The following RGS7 variants were observed in gnomAD, a reference collection of about 807,000 sequenced individuals.
RGS7 encodes the protein regulator of G-protein signaling 7.
RGS7 carries 27 observed loss-of-function variants against 81.1 expected under a neutral mutation model. That is an observed-to-expected ratio of 0.33 (90% CI 0.25 to 0.46). The LOEUF (loss-of-function observed/expected upper bound fraction) is 0.46. RGS7 is among the 20% of genes least tolerant of loss of function. The pLI, the probability that RGS7 is intolerant of heterozygous loss-of-function variation, is 1.00. For synonymous variants in RGS7, 208 were observed against 207.7 expected (o/e 1.00, Z -0.01); for missense variants, 396 against 607.4 (o/e 0.65, Z 3.66).
In RGS7 at chr1:240,806,184, G is replaced by T. The variant is rs1688815701; in HGVS notation, c.1225C>A (p.Gln409Lys). 3 of 1,614,060 alleles carry T rather than the reference G, an allele frequency of 1.9e-6. No individual in the cohort carries two copies. The highest frequency in any genetic ancestry group is 2.5e-6 in the Non-Finnish European group (3 of 1,179,946). Residue 409 changes from glutamine to lysine, a missense_variant, in exon 15 of 19, where the codon CAG (glutamine) becomes AAG (lysine). Physicochemically the swap from Gln to Lys is moderately conservative, Grantham distance 53. Transcript: ENST00000440928. ...LDSKSYDKTTQNVKEPGRYTF... is the reference protein window; with the variant it reads ...LDSKSYDKTTKNVKEPGRYTF... ...TATCGTCCAGGTTCCTTCACGTTCT[G>T]TGTGGTTTTGTCATAACTCTTGGAA...
intron 2 of RGS7, among the ~76,000 whole-genome samples, chr1:241,308,546 T>C (rs1424972470): frequency 1.3e-5 from 2 of 152,216 alleles, no homozygotes; most frequent in Admixed American, 6.5e-5. Context: ...CAGAGAAGAC[T>C]GTGCCCAGCT....
At chr1:241,339,255 A>AC (rs2082403634) in intron 2 of RGS7, among the ~76,000 whole-genome samples, 1 of 152,216 alleles carries the variant, frequency 6.6e-6, no homozygotes, top group South Asian at 2.1e-4. Context: ...TCCATGGTGT[A>AC]TACACACCAC....
chr1:240,809,318 G>GA (rs989165094), intron 14 of RGS7, among the ~76,000 whole-genome samples: 6 of 151,840 alleles, frequency 4.0e-5, no homozygotes, highest in African/African-American at 7.3e-5. Context: ...CCTAATATTT[G>GA]AAAAAAAATG....
intron 2 of RGS7, among the ~76,000 whole-genome samples, chr1:241,120,339 A>G (rs1001122081): frequency 6.6e-6 from 1 of 152,004 alleles, no homozygotes; most frequent in African/African-American, 2.4e-5. Flanking sequence ...TTAATGTTGT[A>G]TTTGTAATTT....
chr1:241,085,003 C>T (rs368523877), intron 3 of RGS7, among the ~76,000 whole-genome samples: 4 of 152,336 alleles, frequency 2.6e-5, no homozygotes, highest in Admixed American at 2.0e-4. Context: ...TCGCCGCCAA[C>T]AGGCAGTCCT....
intron 3 of RGS7, among the ~76,000 whole-genome samples, chr1:241,060,788 C>A (rs758099910): frequency 3.5e-4 from 54 of 152,204 alleles, no homozygotes; most frequent in Non-Finnish European, 5.7e-4. Context: ...AAGACTACCT[C>A]AGCACAGATG....
At chr1:241,057,609 T>A (rs1016400557) in intron 3 of RGS7, among the ~76,000 whole-genome samples, 7 of 152,054 alleles carry the variant, frequency 4.6e-5, no homozygotes, top group Non-Finnish European at 8.8e-5. Context: ...CTGTTCCTAT[T>A]TATCTCTGAG....
chr1:240,957,546 G>A (rs753167182), intron 4 of RGS7, among the ~76,000 whole-genome samples: 11 of 152,160 alleles, frequency 7.2e-5, no homozygotes, highest in African/African-American at 1.9e-4. Flanking sequence ...GCTAATACAA[G>A]AGGCATGACA....
chr1:240,900,288 C>A (rs907906887), intron 6 of RGS7, among the ~76,000 whole-genome samples: 2 of 152,164 alleles, frequency 1.3e-5, no homozygotes, highest in African/African-American at 4.8e-5. Flanking sequence ...CCTTCTTCTC[C>A]CAACTCCTCA....
intron 2 of RGS7, among the ~76,000 whole-genome samples, chr1:241,256,316 A>G (rs2077049841): frequency 6.6e-6 from 1 of 152,218 alleles, no homozygotes; most frequent in South Asian, 2.1e-4. Context: ...GAAATTATTA[A>G]AAAGACTATG....
intron 3 of RGS7, among the ~76,000 whole-genome samples, chr1:241,074,410 A>G (rs1220782087): frequency 6.6e-6 from 1 of 152,210 alleles, no homozygotes; most frequent in Non-Finnish European, 1.5e-5. Flanking sequence ...AGAGGGATCT[A>G]TTATTCAAAA....
intron 3 of RGS7, among the ~76,000 whole-genome samples, chr1:241,043,396 T>G (rs1352570391): frequency 6.6e-6 from 1 of 150,920 alleles, no homozygotes; most frequent in African/African-American, 2.5e-5. Flanking sequence ...TTGTTGACCC[T>G]ATATTGTTAC....
intron 2 of RGS7, among the ~76,000 whole-genome samples, chr1:241,307,603 T>C (rs907942791): frequency 2.0e-5 from 3 of 152,156 alleles, no homozygotes; most frequent in Non-Finnish European, 4.4e-5. Flanking sequence ...AAGAGGATAC[T>C]GATTATTGAT....
intron 2 of RGS7, among the ~76,000 whole-genome samples, chr1:241,141,047 A>G (rs2067885895): frequency 6.6e-6 from 1 of 152,130 alleles, no homozygotes; most frequent in Non-Finnish European, 1.5e-5. Context: ...AGTTTTTTCC[A>G]GTTTCCCTAA....
In RGS7 at chr1:241,079,681, C is replaced by A. The variant is rs370860399; in HGVS notation, c.175+18985G>T. Among the ~76,000 whole-genome samples, 9 of 152,166 alleles carry A rather than the reference C, an allele frequency of 5.9e-5. No individual in the cohort carries two copies. The South Asian group carries it at 1.7e-3, about 28-fold the overall frequency. ...ATGTCATCAGAATAAAAAGGCACTG[C>A]AAAACAGTAGATTATACATGCACCT... is the stretch of plus-strand genomic sequence containing the variant. On this transcript the variant is annotated intron_variant, in intron 3 of 18. Transcript: ENST00000440928.
chr1:240,862,665 T>G (rs1352928979), intron 9 of RGS7, among the ~76,000 whole-genome samples: 2 of 152,112 alleles, frequency 1.3e-5, no homozygotes, highest in Non-Finnish European at 2.9e-5. Context: ...CTTTTGAAAA[T>G]AAAGATACTT....
intron 4 of RGS7, among the ~76,000 whole-genome samples, chr1:240,944,270 GTGTGTGTGTGTGTATATATATATA>G (rs1229566697): frequency 5.7e-4 from 7 of 12,202 alleles, no homozygotes; most frequent in African/African-American, 1.3e-3. Flanking sequence ...ATGTGTGTGT[GTGTGTGTGTGTGTATATATATATA>G]TATATATATA....
chr1:241,003,920 G>A (rs1349426415), intron 3 of RGS7, among the ~76,000 whole-genome samples: 2 of 152,030 alleles, frequency 1.3e-5, no homozygotes. Context: ...AGCCAATTTT[G>A]CATTTTTAGT....
intron 2 of RGS7, among the ~76,000 whole-genome samples, chr1:241,127,693 A>C (rs1048862407): frequency 1.3e-5 from 2 of 152,324 alleles, no homozygotes; most frequent in African/African-American, 4.8e-5. Context: ...AAAGTATAAT[A>C]ATAATAAAAT....
Sources: allele counts gnomAD v4.1 joint callset (sites outside exome capture counted in the v4.1 genomes callset), GRCh38; gene constraint gnomAD v4.1.1; transcripts MANE v1.5; gene names NCBI Gene and HGNC (gene_info 2026-07-23, HGNC 2026-07-21).